Variants in MCPH1 observed in about 807,000 individuals in gnomAD.
MCPH1 encodes the protein microcephalin 1.
A neutral mutation model predicts 84.5 loss-of-function variants in MCPH1; 104 were observed. The observed-to-expected ratio is 1.23, with a 90% confidence interval of 1.05 to 1.45. The LOEUF is 1.45. Among genes scored for constraint, MCPH1 ranks in the 40% most tolerant of loss-of-function variants. The pLI is 0.00. For missense variants in MCPH1, 1,498 were observed against 1,005.7 expected (o/e 1.49, Z -6.62); for synonymous variants, 514 against 366.8 (o/e 1.40, Z -4.58).
At chr8:6,429,596 T>G (rs1055436404) in intron 3 of MCPH1, among the ~76,000 whole-genome samples, 1 of 152,158 alleles carries the variant, frequency 6.6e-6, no homozygotes, top group African/African-American at 2.4e-5. Flanking sequence ...TTTTGTTGGT[T>G]TATGTCTTTT....
At chr8:6,459,158 A>G (rs1341743473) in intron 9 of MCPH1, among the ~76,000 whole-genome samples, 2 of 152,192 alleles carry the variant, frequency 1.3e-5, no homozygotes, top group Non-Finnish European at 2.9e-5. Flanking sequence ...TACAAATATA[A>G]TGTTAGTATC....
At chr8:6,601,934 T>C (rs1017992599) in intron 12 of MCPH1, among the ~76,000 whole-genome samples, 2 of 152,258 alleles carry the variant, frequency 1.3e-5, no homozygotes, top group Non-Finnish European at 2.9e-5. Context: ...ATAAATACTA[T>C]CATATAAAAA....
chr8:6,435,152 G>C (rs1456475958), intron 4 of MCPH1, among the ~76,000 whole-genome samples: 2 of 152,142 alleles, frequency 1.3e-5, no homozygotes, highest in African/African-American at 4.8e-5. Flanking sequence ...GAGTTACTGT[G>C]ATTTAATGAC....
At chr8:6,614,413 A>G (rs528876407) in intron 12 of MCPH1, among the ~76,000 whole-genome samples, 1 of 152,286 alleles carries the variant, frequency 6.6e-6, no homozygotes, top group African/African-American at 2.4e-5. Context: ...CCAGAGGAAG[A>G]CCAACTTAAT....
chr8:6,642,856 G>T, intron 13 of MCPH1, 138 bp from the exon 14 acceptor site: 1 of 756,122 alleles, frequency 1.3e-6, no homozygotes, highest in Non-Finnish European at 2.3e-6. Context: ...GTGCTCTATG[G>T]ACGTGGGGGG....
chr8:6,427,554 A>G (rs998817897), intron 3 of MCPH1, among the ~76,000 whole-genome samples: 28 of 151,750 alleles, frequency 1.8e-4, no homozygotes, highest in African/African-American at 6.8e-4. Context: ...TTTTATTTTT[A>G]TTTTTGTAGA....
intron 12 of MCPH1, among the ~76,000 whole-genome samples, chr8:6,509,857 A>G (rs932757781): frequency 6.6e-6 from 1 of 152,172 alleles, no homozygotes; most frequent in Admixed American, 6.5e-5. Context: ...CGGTGCACGC[A>G]GTGTCTGTTG....
chr8:6,621,391 C>T (rs564078543), intron 12 of MCPH1, 63 bp from the exon 13 acceptor site: 34 of 1,591,786 alleles, frequency 2.1e-5, no homozygotes, highest in Admixed American at 1.8e-4. Context: ...TGCAACAGTT[C>T]GCCTACGCTA....
chr8:6,541,112 T>C (rs1023709142), intron 12 of MCPH1, among the ~76,000 whole-genome samples: 1 of 152,206 alleles, frequency 6.6e-6, no homozygotes, highest in African/African-American at 2.4e-5. Flanking sequence ...TGGGAAGGCC[T>C]GAGGCAAGGC....
In MCPH1 at chr8:6,445,333, A is replaced by G. The variant is rs753932997; in HGVS notation, c.1611A>G (p.Gly537=). ...YTIEDPALPK[G]HDDDLTPLEG... Reference sequence around the variant, plus strand: ...TTGAGGACCCTGCTCTTCCAAAAGGACATGATGATGATTTAACTCCTTTGG... The same window carrying G: ...TTGAGGACCCTGCTCTTCCAAAAGGGCATGATGATGATTTAACTCCTTTGG... Residue 537 remains glycine, a synonymous_variant, in exon 8 of 14, where the codon GGA becomes GGG. Coordinates refer to ENST00000344683, the MANE Select transcript of MCPH1 (RefSeq NM_024596.5). 2 of 1,614,250 alleles carry G rather than the reference A, an allele frequency of 1.2e-6. No homozygotes were observed. The highest frequency in any genetic ancestry group is 1.6e-4 in the Middle Eastern group (1 of 6,062).
At chr8:6,446,921 G>A (rs74396844) in intron 8 of MCPH1, 2 of 985,402 alleles carry the variant, frequency 2.0e-6, no homozygotes, top group Non-Finnish European at 2.4e-6. Context: ...TAAGTAGAAG[G>A]GGGTGAGGGG....
chr8:6,598,199 C>T (rs911561195), intron 12 of MCPH1, among the ~76,000 whole-genome samples: 4 of 152,178 alleles, frequency 2.6e-5, no homozygotes, highest in African/African-American at 9.7e-5. Context: ...CCAGAGACTC[C>T]GTGTACCTGG....
chr8:6,640,615 ACT>A (rs902310758), intron 13 of MCPH1, among the ~76,000 whole-genome samples: 135 of 152,160 alleles, frequency 8.9e-4, no homozygotes, highest in African/African-American at 3.1e-3. Context: ...GTGTTATAAA[ACT>A]CTGTCTCTTT....
intron 12 of MCPH1, among the ~76,000 whole-genome samples, chr8:6,609,197 A>G (rs1402232619): frequency 6.6e-6 from 1 of 152,210 alleles, no homozygotes; most frequent in East Asian, 1.9e-4. Flanking sequence ...GTAATATTGA[A>G]AAACGACAGT....
intron 3 of MCPH1, among the ~76,000 whole-genome samples, chr8:6,422,479 C>T (rs1458652574): frequency 6.6e-6 from 1 of 152,128 alleles, no homozygotes; most frequent in Non-Finnish European, 1.5e-5. Flanking sequence ...CTAATAGGGC[C>T]TCTCAGCTAA....
At chr8:6,635,743 A>T (rs1192743023) in intron 13 of MCPH1, among the ~76,000 whole-genome samples, 1 of 152,178 alleles carries the variant, frequency 6.6e-6, no homozygotes, top group African/African-American at 2.4e-5. Flanking sequence ...CCTCGTCCCC[A>T]GAGGACCCAC....
Position 6,505,294 on chromosome 8 carries a change from C to CT in MCPH1, c.2214+5365_2214+5366insT, listed in dbSNP as rs1563305714. 2.9e-3 allele frequency among the ~76,000 whole-genome samples: 105 copies of CT among 36,778 alleles called. 5 individuals carry two copies. The highest frequency in any genetic ancestry group is 7.4e-3 in the African/African-American group (83 of 11,182). 24.1% of individuals were successfully genotyped at this position (36,778 alleles called of 152,430 possible). On this transcript the variant is annotated intron_variant, in intron 12 of 13. Transcript: ENST00000344683. ...TATGTATACATATATATGTTATATA[C>CT]ATATATATGTATATAACATATATAT...
At chr8:6,541,847 T>C (rs114930623) in intron 12 of MCPH1, among the ~76,000 whole-genome samples, 1 of 151,652 alleles carries the variant, frequency 6.6e-6, no homozygotes, top group Non-Finnish European at 1.5e-5. Context: ...CTACAGAAAA[T>C]TTTTTTAAAA....
intron 12 of MCPH1, among the ~76,000 whole-genome samples, chr8:6,522,923 C>G (rs985658470): frequency 1.3e-5 from 2 of 152,122 alleles, no homozygotes; most frequent in African/African-American, 4.8e-5. Context: ...CATTCCTTCT[C>G]TAAAAAATCT....
Sources: allele counts gnomAD v4.1 joint callset (sites outside exome capture counted in the v4.1 genomes callset), GRCh38; gene constraint gnomAD v4.1.1; transcripts MANE v1.5; gene names NCBI Gene and HGNC (gene_info 2026-07-23, HGNC 2026-07-21).